FNDC1: variants seen among roughly 807,000 people sequenced by gnomAD.
The protein encoded by FNDC1 is fibronectin type III domain containing 1, also known as fibronectin type III domain-containing protein 1.
Under a neutral mutation model 168.0 loss-of-function variants are expected in FNDC1, and 96 were observed. That is an observed-to-expected ratio of 0.57 (90% CI 0.48 to 0.68). FNDC1 has a LOEUF of 0.68. Ranked by LOEUF, FNDC1 falls within the 30% of genes least tolerant of loss-of-function variation. The pLI is 0.00. For synonymous variants in FNDC1, 1,099 were observed against 1,025.9 expected (o/e 1.07, Z -1.36); for missense variants, 2,587 against 2,482.1 (o/e 1.04, Z -0.90).
intron 15 of FNDC1, among the ~76,000 whole-genome samples, chr6:159,248,185 A>T (rs938176952): frequency 6.6e-6 from 1 of 151,908 alleles, no homozygotes; most frequent in Non-Finnish European, 1.5e-5. Context: ...CATCTTTCTT[A>T]TCTTTGAACA....
intron 4 of FNDC1, among the ~76,000 whole-genome samples, chr6:159,207,231 A>G (rs566515624): frequency 1.3e-5 from 2 of 152,250 alleles, no homozygotes; most frequent in South Asian, 4.1e-4. Flanking sequence ...GTGAAGACAC[A>G]AGCAGTGGGG....
rs1051037989 is a variant in FNDC1 at position 159,272,002 on chromosome 6, T to C, written c.*560T>C. ...CTAGAATAAATGTATCAAATCTTAT[T>C]TGTAAATTCTCAATTTTGATATATA... On this transcript the variant is annotated 3_prime_UTR_variant, in exon 23 of 23. Coordinates refer to ENST00000297267, the MANE Select transcript of FNDC1 (RefSeq NM_032532.3). 1.3e-5 allele frequency: 2 copies of C among 153,024 alleles called. No individual in the cohort carries two copies. The highest frequency in any genetic ancestry group is 6.5e-5 in the Admixed American group (1 of 15,400). The allele number at this position is 153,024 out of a possible 1,614,324, so 9.5% of individuals were successfully genotyped here. A position where few individuals can be genotyped will look rare whatever the true frequency, so the allele number is the denominator to read the frequency against.
At chr6:159,210,066 A>C (rs1782566449) in intron 4 of FNDC1, among the ~76,000 whole-genome samples, 2 of 152,236 alleles carry the variant, frequency 1.3e-5, no homozygotes, top group Non-Finnish European at 2.9e-5. Flanking sequence ...TCTGAAGAGC[A>C]GTCGGGTCCT....
At chr6:159,170,283 G>A (rs902195625) in intron 1 of FNDC1, among the ~76,000 whole-genome samples, 11 of 152,230 alleles carry the variant, frequency 7.2e-5, no homozygotes, top group African/African-American at 2.7e-4. Context: ...CGCCCGGGGG[G>A]AACGTTCAAG....
rs757886821 is a variant in FNDC1, at chr6:159,232,605, G to C, written c.2093G>C (p.Arg698Pro). 3.7e-6 allele frequency: 6 copies of C among 1,607,716 alleles called. No individual in the cohort carries two copies. The South Asian group carries it at 6.6e-5, about 18-fold the overall frequency. The part of the protein sequence containing the change: ...HPGAKPASPA[R>P]RTPHSGAAEE... ...GGCGCAAAGCCAGCCTCGCCGGCCC[G>C]GAGGACCCCCCATTCAGGGGCCGCA... Residue 698 changes from arginine (R) to proline (P), a missense_variant, in exon 11 of 23, where the codon CGG (arginine) becomes CCG (proline). Arg to Pro is a moderately radical substitution (Grantham distance 103). Coordinates refer to ENST00000297267, the MANE Select transcript of FNDC1 (RefSeq NM_032532.3). The surrounding 1 kb of genome is among the most constrained non-coding windows in gnomAD (Gnocchi z 4.9).
chr6:159,232,533 G>A lies in FNDC1; in HGVS notation c.2021G>A (p.Arg674His), dbSNP rs369187394. Residue 674 changes from arginine to histidine, a missense_variant, in exon 11 of 23, where the codon CGC becomes CAC. Transcript: ENST00000297267. The surrounding 1 kb of genome is among the most constrained non-coding windows in gnomAD (Gnocchi z 4.9). ...CCCCGGCCAGCCCTGTCCCCCAGCC[G>A]CCAGTCCCCGTCCAGCGTTCTCCGC... ...AQPRPALSPS[R>H]QSPSSVLRDR... is the part of the protein sequence containing the mutation. 41 of 1,612,022 alleles carry A rather than the reference G, an allele frequency of 2.5e-5. No homozygotes were observed. Among genetic ancestry groups the A allele is most frequent in the East Asian group, 4.5e-5 (2 of 44,838 alleles).
rs762451122 is a variant in FNDC1 at position 159,232,660 on chromosome 6, C to T, written c.2148C>T (p.Pro716=). 3 of 1,613,638 alleles carry T rather than the reference C, an allele frequency of 1.9e-6. No homozygotes were observed. The highest frequency in any genetic ancestry group is 2.5e-6 in the Non-Finnish European group (3 of 1,179,744). Reference sequence around the variant, plus strand: ...AAGATTCCAGTGCCTCAGCCCCACCCTCAAGACTTTCTCCACCCCATGGGG... The same window carrying T: ...AAGATTCCAGTGCCTCAGCCCCACCTTCAAGACTTTCTCCACCCCATGGGG... ...AEEDSSASAP[P]SRLSPPHGGS... The change falls in exon 11 of 23, where the codon CCC becomes CCT. Residue 716 remains proline (P), a synonymous_variant. Transcript: ENST00000297267. The surrounding 1 kb of genome is among the most constrained non-coding windows in gnomAD (Gnocchi z 4.9).
intron 14 of FNDC1, among the ~76,000 whole-genome samples, chr6:159,244,410 TCAGAACACAC>T (rs1783495930): frequency 6.6e-6 from 1 of 152,218 alleles, no homozygotes; most frequent in Non-Finnish European, 1.5e-5. Context: ...ATTGGCTGCA[TCAGAACACAC>T]CAGAGTCATT....
chr6:159,255,879 G>C (rs1263278338), intron 17 of FNDC1, among the ~76,000 whole-genome samples: 1 of 152,234 alleles, frequency 6.6e-6, no homozygotes, highest in African/African-American at 2.4e-5. Flanking sequence ...TGTAAAGGCT[G>C]GGCAGGTGTC....
intron 2 of FNDC1, among the ~76,000 whole-genome samples, 153 bp from the exon 3 acceptor site, chr6:159,199,841 AAG>A: frequency 6.6e-6 from 1 of 152,242 alleles, no homozygotes; most frequent in East Asian, 1.9e-4. Flanking sequence ...AATTTAAAAA[AAG>A]AGAGACATCT....
intron 22 of FNDC1, among the ~76,000 whole-genome samples, chr6:159,269,912 A>G (rs185336069): frequency 3.2e-4 from 49 of 152,296 alleles, no homozygotes; most frequent in Middle Eastern, 6.8e-3. Context: ...AATCTTGGCC[A>G]GGCACTGTGG....
chr6:159,181,274 T>C (rs2114924286), intron 1 of FNDC1, among the ~76,000 whole-genome samples: 1 of 152,234 alleles, frequency 6.6e-6, no homozygotes, highest in Non-Finnish European at 1.5e-5. Context: ...CATCAGCTTC[T>C]AGCACTGGGC....
intron 14 of FNDC1, among the ~76,000 whole-genome samples, chr6:159,243,544 T>C (rs894625782): frequency 2.0e-5 from 3 of 152,346 alleles, no homozygotes; most frequent in Admixed American, 6.5e-5. Context: ...ATTTTTTTCA[T>C]GTCTACTTGA....
At chr6:159,249,571 C>T (rs763135063) in intron 16 of FNDC1, among the ~76,000 whole-genome samples, 15 of 152,186 alleles carry the variant, frequency 9.9e-5, no homozygotes, top group Non-Finnish European at 1.3e-4. Flanking sequence ...AAAGGTTAGC[C>T]GCTTACTGAA....
chr6:159,238,832 A>G (rs138832556), intron 13 of FNDC1, among the ~76,000 whole-genome samples, 167 bp downstream of exon 13: 1 of 152,318 alleles, frequency 6.6e-6, no homozygotes, highest in Non-Finnish European at 1.5e-5. Flanking sequence ...TGTTTCCCCC[A>G]GAGAGCGTTA....
chr6:159,212,613 A>T (rs1782629579), intron 4 of FNDC1, among the ~76,000 whole-genome samples: 1 of 152,000 alleles, frequency 6.6e-6, no homozygotes, highest in Admixed American at 6.6e-5. Context: ...TTCTCACTTC[A>T]CTCTGGTTAT....
chr6:159,169,943 G>T lies in FNDC1; in HGVS notation c.109+238G>T, dbSNP rs1398743108. 4.6e-6 allele frequency: 1 copy of T among 215,328 alleles called. No individual in the cohort carries two copies. Among genetic ancestry groups the T allele is most frequent in the Non-Finnish European group, 9.0e-6 (1 of 110,742 alleles). 13.3% of individuals were successfully genotyped at this position (215,328 alleles called of 1,614,324 possible). On this transcript the variant is annotated intron_variant, in intron 1 of 22. Coordinates refer to ENST00000297267, the MANE Select transcript of FNDC1 (RefSeq NM_032532.3). This position sits in a 1 kb window ranked among gnomAD's most constrained non-coding sequence, Gnocchi z 6.8. ...TTGCCGTCGCCCGCCTTGGAGTCGG[G>T]AGGCTCCAGCCGTCTAAGTGTCCCG...
chr6:159,185,738 T>A (rs1218800027), intron 1 of FNDC1, among the ~76,000 whole-genome samples: 1 of 152,198 alleles, frequency 6.6e-6, no homozygotes, highest in Non-Finnish European at 1.5e-5. Flanking sequence ...TTCTGAGAAA[T>A]GGCAGGACGA....
chr6:159,188,218 T>C (rs968028326), intron 1 of FNDC1, among the ~76,000 whole-genome samples: 1 of 152,220 alleles, frequency 6.6e-6, no homozygotes, highest in Non-Finnish European at 1.5e-5. Context: ...ACCAGTGTAT[T>C]TCCAAAGCCC....
Sources: gnomAD v4.1 joint callset for allele counts (sites outside exome capture counted in the v4.1 genomes callset) on GRCh38, gnomAD v4.1.1 for gene constraint, Gnocchi (gnomAD v3.1) non-coding constraint, MANE v1.5 for transcripts, NCBI Gene and HGNC (gene_info 2026-07-23, HGNC 2026-07-21) for gene names.